CDC42BPA: variants seen among roughly 807,000 people sequenced by gnomAD.
CDC42BPA encodes the protein CDC42 binding protein kinase alpha, also known as serine/threonine-protein kinase MRCK alpha.
A neutral mutation model predicts 223.5 loss-of-function variants in CDC42BPA; 80 were observed. That is an observed-to-expected ratio of 0.36 (90% CI 0.30 to 0.43). The LOEUF (loss-of-function observed/expected upper bound fraction) is 0.43, where lower values mean the gene tolerates loss of function less well. CDC42BPA is among the 20% of genes least tolerant of loss of function. The probability of loss-of-function intolerance (pLI) is 1.00; values close to 1 mark genes in which losing one functional copy is unlikely to be tolerated. For missense variants in CDC42BPA, 1,743 were observed against 2,099.9 expected (o/e 0.83, Z 3.32); for synonymous variants, 694 against 718.6 (o/e 0.97, Z 0.55).
At chr1:227,045,307 C>G (rs1672212512) in intron 23 of CDC42BPA, among the ~76,000 whole-genome samples, 1 of 152,188 alleles carries the variant, frequency 6.6e-6, no homozygotes, top group Admixed American at 6.5e-5. Flanking sequence ...TCTAACTATT[C>G]TTTTCATTTT....
At chr1:227,053,054 T>C (rs549112786) in intron 21 of CDC42BPA, among the ~76,000 whole-genome samples, 8 of 152,328 alleles carry the variant, frequency 5.3e-5, no homozygotes, top group South Asian at 4.1e-4. Flanking sequence ...ATTAACTTCA[T>C]AGATTTGTTT....
chr1:227,174,580 T>G (rs997164671), intron 5 of CDC42BPA, among the ~76,000 whole-genome samples: 1 of 152,174 alleles, frequency 6.6e-6, no homozygotes, highest in Non-Finnish European at 1.5e-5. Context: ...ATTTCCTATA[T>G]CGGTACACTT....
At chr1:227,100,731 G>A (rs1200806960) in intron 15 of CDC42BPA, among the ~76,000 whole-genome samples, 1 of 116,430 alleles carries the variant, frequency 8.6e-6, no homozygotes, top group Admixed American at 8.7e-5. Context: ...GTGTGTGTCT[G>A]CCATCATACC....
At chr1:227,313,023 G>A (rs1274828823) in intron 1 of CDC42BPA, among the ~76,000 whole-genome samples, 1 of 152,060 alleles carries the variant, frequency 6.6e-6, no homozygotes, top group African/African-American at 2.4e-5. Flanking sequence ...TCAGTCTTAG[G>A]TAGTTCTTTA....
chr1:227,116,927 A>T (rs982067987), intron 12 of CDC42BPA, among the ~76,000 whole-genome samples: 7 of 152,142 alleles, frequency 4.6e-5, no homozygotes, highest in African/African-American at 1.2e-4. Flanking sequence ...GGGAATATTT[A>T]TCTATATTCC....
rs1458580425 is a variant in CDC42BPA at position 226,994,943 on chromosome 1, T to C, written c.5013A>G (p.Glu1671=). 19 of 1,614,020 alleles carry C rather than the reference T, an allele frequency of 1.2e-5. No homozygotes were observed. The highest frequency in any genetic ancestry group is 2.7e-5 in the African/African-American group (2 of 74,928). ...SAQNGSALKR[E]FSGGSYSAKR... ...TGGCACTGTAGCTTCCTCCAGAGAATTCCCTCTTTAATGCGCTGCCATTCT... is the reference window on the plus strand; with the variant it reads ...TGGCACTGTAGCTTCCTCCAGAGAACTCCCTCTTTAATGCGCTGCCATTCT... The change falls in exon 36 of 37, where the codon GAA becomes GAG. Residue 1671 remains glutamate (E), a synonymous_variant. Coordinates refer to ENST00000366766, the MANE Select transcript of CDC42BPA (RefSeq NM_001394014.1). This position sits in a 1 kb window ranked among gnomAD's most constrained non-coding sequence, Gnocchi z 4.0.
chr1:227,131,532 T>G (rs915076074), intron 10 of CDC42BPA, among the ~76,000 whole-genome samples: 1 of 152,222 alleles, frequency 6.6e-6, no homozygotes, highest in Non-Finnish European at 1.5e-5. Flanking sequence ...ATGGAATTCT[T>G]GGTGTACTCT....
chr1:227,235,205 A>T (rs1056072272), intron 2 of CDC42BPA: 1 of 152,176 alleles, frequency 6.6e-6, no homozygotes, highest in African/African-American at 2.4e-5. Flanking sequence ...GAGAATGAAG[A>T]CTGCCACCCC....
At chr1:227,005,908 T>C (rs1443080663) in intron 34 of CDC42BPA, among the ~76,000 whole-genome samples, 1 of 152,242 alleles carries the variant, frequency 6.6e-6, no homozygotes, top group Admixed American at 6.5e-5. Flanking sequence ...ATAGGTGGTG[T>C]GCAGGGTGAG....
intron 2 of CDC42BPA, among the ~76,000 whole-genome samples, chr1:227,224,179 G>A (rs1676435175): frequency 6.6e-6 from 1 of 150,922 alleles, no homozygotes; most frequent in Non-Finnish European, 1.5e-5. Context: ...GCAGAATAAA[G>A]GTCCTTAGCA....
At chr1:227,079,006 T>C (rs185257200) in intron 17 of CDC42BPA, among the ~76,000 whole-genome samples, 104 of 152,278 alleles carry the variant, frequency 6.8e-4, no homozygotes, top group Admixed American at 2.0e-3. Context: ...GAATAAGGAA[T>C]ACTCAATCTG....
rs56168464 is a variant in CDC42BPA at position 227,023,181 on chromosome 1, A to G, written c.4615+82T>C. The G allele has an allele frequency of 9.8e-3, 6,746 of 686,322 alleles. 308 individuals are homozygous for G. The African/African-American group carries it at 0.1, about 10-fold the overall frequency. 42.5% of individuals were successfully genotyped at this position (686,322 alleles called of 1,614,324 possible). A position where few individuals can be genotyped will look rare whatever the true frequency, so the allele number is the denominator to read the frequency against. Reference sequence around the variant, plus strand: ...TGTTGAAATCTGGACTCTGGCACTTATTATTAATGTGACCTTGGGCAGTTA... The same window carrying G: ...TGTTGAAATCTGGACTCTGGCACTTGTTATTAATGTGACCTTGGGCAGTTA... On this transcript the variant is annotated intron_variant, in intron 32 of 36. Coordinates refer to ENST00000366766, the MANE Select transcript of CDC42BPA (RefSeq NM_001394014.1).
rs1003089998 is a variant in CDC42BPA, at chr1:227,170,924, T to C, written c.600-10288A>G. Among the ~76,000 whole-genome samples, 3 of 152,190 alleles carry C rather than the reference T, an allele frequency of 2.0e-5. No homozygotes were observed. The East Asian group carries it at 5.8e-4, about 29-fold the overall frequency. The stretch of plus-strand genomic sequence containing the variant: ...AACATAATGTGTTACACAGCAATTG[T>C]TAAGTGGAACAGTAGCCCAACAAAT... On this transcript the variant is annotated intron_variant, in intron 5 of 36. Transcript: ENST00000366766.
At chr1:227,248,651 C>T (rs1265195483) in intron 2 of CDC42BPA, among the ~76,000 whole-genome samples, 1 of 151,802 alleles carries the variant, frequency 6.6e-6, no homozygotes, top group African/African-American at 2.4e-5. Context: ...TTGTCCCCTA[C>T]AAAAAAATGT....
intron 5 of CDC42BPA, among the ~76,000 whole-genome samples, chr1:227,161,962 G>A (rs1663986839): frequency 1.3e-5 from 2 of 152,206 alleles, no homozygotes; most frequent in East Asian, 1.9e-4. Context: ...AAGATCTGCT[G>A]TAGAGGAAAC....
rs926606892 is a variant in CDC42BPA at position 227,218,035 on chromosome 1, C to T, written c.271-4816G>A. Among the ~76,000 whole-genome samples, 13 of 152,030 alleles carry T rather than the reference C, an allele frequency of 8.6e-5. 1 individual carries two copies. The highest frequency in any genetic ancestry group is 7.2e-4 in the Admixed American group (11 of 15,250). On this transcript the variant is annotated intron_variant, in intron 2 of 36. Coordinates refer to ENST00000366766, the MANE Select transcript of CDC42BPA (RefSeq NM_001394014.1). ...TTCCTATTTGTTCACTAGTACACACCTAGTAATTGGGAATCTATAGCTACT... is the reference window on the plus strand; with the variant it reads ...TTCCTATTTGTTCACTAGTACACACTTAGTAATTGGGAATCTATAGCTACT...
chr1:227,101,209 A>G lies in CDC42BPA; in HGVS notation c.2032T>C (p.Cys678Arg), dbSNP rs751043337. ...ATCTCTTGCTGATGTTCTATGCTGC[A>G]TACTCCTGGTGAGTAACTAATTTGT... The part of the protein sequence containing the change: ...QKQISYSPGV[C>R]SIEHQQEITK... Residue 678 changes from cysteine (C) to arginine (R), a missense_variant, in exon 15 of 37, where the codon TGC becomes CGC. Physicochemically the swap from Cys to Arg is radical, Grantham distance 180 (BLOSUM62 -3). Transcript: ENST00000366766. 6.3e-7 allele frequency: 1 copy of G among 1,598,622 alleles called. No homozygotes were observed. The highest frequency in any genetic ancestry group is 8.5e-7 in the Non-Finnish European group (1 of 1,170,216).
At chr1:227,097,838 C>A (rs1271391357) in intron 15 of CDC42BPA, among the ~76,000 whole-genome samples, 1 of 152,178 alleles carries the variant, frequency 6.6e-6, no homozygotes, top group Non-Finnish European at 1.5e-5. Context: ...TGCATGTGGA[C>A]AGCCCACCCC....
intron 11 of CDC42BPA, among the ~76,000 whole-genome samples, chr1:227,126,849 T>C (rs188004583): frequency 3.9e-3 from 597 of 152,268 alleles, no homozygotes; most frequent in Non-Finnish European, 5.7e-3. Context: ...TGAATGCTTT[T>C]CCCCAAGATT....
Sources: allele counts gnomAD v4.1 joint callset (sites outside exome capture counted in the v4.1 genomes callset), GRCh38; gene constraint gnomAD v4.1.1; non-coding constraint Gnocchi (gnomAD v3.1); transcripts MANE v1.5; gene names NCBI Gene and HGNC (gene_info 2026-07-23, HGNC 2026-07-21).